The following KLHL29 variants were observed in gnomAD, a reference collection of about 807,000 sequenced individuals.
KLHL29 encodes kelch like family member 29, also known as kelch-like protein 29.
A neutral mutation model predicts 80.4 loss-of-function variants in KLHL29; 21 were observed. The observed-to-expected ratio is 0.26, with a 90% CI of 0.19 to 0.38. KLHL29 has a LOEUF of 0.38. Among genes scored for constraint, KLHL29 ranks in the 10% least tolerant of loss-of-function variants. The probability of loss-of-function intolerance (pLI) is 1.00; values close to 1 mark genes in which losing one functional copy is unlikely to be tolerated. For missense variants in KLHL29, 867 were observed against 1,223.9 expected (o/e 0.71, Z 4.35); for synonymous variants, 511 against 526.8 (o/e 0.97, Z 0.41).
intron 1 of KLHL29, among the ~76,000 whole-genome samples, chr2:23,455,294 C>A (rs1337967012): frequency 6.6e-6 from 1 of 152,070 alleles, no homozygotes; most frequent in Non-Finnish European, 1.5e-5. Context: ...TTTATAAATA[C>A]CGTGTATTAT....
chr2:23,566,297 G>A (rs1209517080), intron 3 of KLHL29, among the ~76,000 whole-genome samples: 1 of 152,212 alleles, frequency 6.6e-6, no homozygotes, highest in Non-Finnish European at 1.5e-5. Context: ...AGTTCCAAGA[G>A]CCTAACAGGA....
chr2:23,627,908 GTC>G (rs1201893775), intron 3 of KLHL29, among the ~76,000 whole-genome samples: 1 of 37,298 alleles, frequency 2.7e-5, no homozygotes, highest in Non-Finnish European at 4.4e-5. Context: ...GAGGCCAGGA[GTC>G]TTTTTTTTTT....
chr2:23,630,629 C>T (rs988457862), intron 3 of KLHL29, among the ~76,000 whole-genome samples: 4 of 152,012 alleles, frequency 2.6e-5, no homozygotes, highest in Non-Finnish European at 5.9e-5. Context: ...GGACTACAGG[C>T]ACACACCACC....
At chr2:23,537,240 G>A (rs1039996143) in intron 2 of KLHL29, among the ~76,000 whole-genome samples, 5 of 152,122 alleles carry the variant, frequency 3.3e-5, no homozygotes, top group African/African-American at 9.7e-5. Flanking sequence ...CAGTGCTGCC[G>A]CTTCTGTGCC....
chr2:23,536,892 A>ACT (rs1666679618), intron 2 of KLHL29, among the ~76,000 whole-genome samples: 1 of 41,726 alleles, frequency 2.4e-5, no homozygotes. Flanking sequence ...GACAGATCTC[A>ACT]CACACACACA....
Position 23,562,321 on chromosome 2 carries a change from G to A in KLHL29, c.125G>A (p.Gly42Asp). The change falls in exon 3 of 14, where the codon GGC becomes GAC. Residue 42 changes from glycine to aspartate, a missense_variant. Gly to Asp is a moderately conservative substitution (Grantham distance 94). Transcript: ENST00000486442. This position sits in a 1 kb window ranked among gnomAD's most constrained non-coding sequence, Gnocchi z 4.5. ...ICSVTSGAGG[G>D]TASSLSVRPG... The stretch of plus-strand genomic sequence containing the variant: ...AGTGTCACCTCGGGGGCCGGTGGCG[G>A]CACAGCCAGCAGCCTCAGCGTCCGG... The A allele has an allele frequency of 6.5e-7, 1 of 1,544,630 alleles. No individual in the cohort carries two copies. Among genetic ancestry groups the A allele is most frequent in the Non-Finnish European group, 8.7e-7 (1 of 1,143,974 alleles).
chr2:23,697,137 G>C (rs180694790), intron 11 of KLHL29: 5 of 152,516 alleles, frequency 3.3e-5, no homozygotes, highest in African/African-American at 1.2e-4. Context: ...AAAGGACCAC[G>C]TGTGAACCTG....
intron 1 of KLHL29, among the ~76,000 whole-genome samples, chr2:23,439,875 T>G (rs1193234149): frequency 6.6e-6 from 1 of 152,102 alleles, no homozygotes; most frequent in Admixed American, 6.5e-5. Context: ...TTGTTAACTT[T>G]CTGTCTCATT....
chr2:23,481,658 G>A (rs890766041), intron 2 of KLHL29, among the ~76,000 whole-genome samples: 4 of 152,176 alleles, frequency 2.6e-5, no homozygotes, highest in Non-Finnish European at 4.4e-5. Context: ...GCTGACGCCT[G>A]TAATCCCAGC....
intron 1 of KLHL29, among the ~76,000 whole-genome samples, chr2:23,402,371 GA>G (rs1666616277): frequency 1.3e-5 from 2 of 152,228 alleles, no homozygotes; most frequent in Non-Finnish European, 2.9e-5. Context: ...ATCTGAGCCA[GA>G]AAAGATAAAC....
rs900945719 is a variant in KLHL29 at position 23,457,565 on chromosome 2, T to C, written c.-153-17995T>C. Among the ~76,000 whole-genome samples the C allele has an allele frequency of 1.1e-4, 16 of 152,298 alleles. No individual in the cohort carries two copies. The highest frequency in any genetic ancestry group is 2.9e-4 in the African/African-American group (12 of 41,560). ...GGGGTGCCTCTGGAATTCCCTGTTC[T>C]GCTTTTAGGAGTGTCACAAGGATTG... On this transcript the variant is annotated intron_variant, in intron 1 of 13. Transcript: ENST00000486442. This position sits in a 1 kb window ranked among gnomAD's most constrained non-coding sequence, Gnocchi z 4.3.
chr2:23,686,825 A>G (rs997613839), intron 6 of KLHL29, among the ~76,000 whole-genome samples: 2 of 152,172 alleles, frequency 1.3e-5, no homozygotes, highest in African/African-American at 4.8e-5. Flanking sequence ...GTAAGGTCAC[A>G]CAGGAAAAAG....
intron 2 of KLHL29, among the ~76,000 whole-genome samples, chr2:23,561,916 C>A (rs552292717): frequency 4.4e-4 from 67 of 152,264 alleles, no homozygotes; most frequent in Admixed American, 3.4e-3. Flanking sequence ...TTAACTGTGA[C>A]TGGGTTCAAA....
chr2:23,661,611 C>A (rs1670410753), intron 5 of KLHL29, among the ~76,000 whole-genome samples: 1 of 152,246 alleles, frequency 6.6e-6, no homozygotes, highest in Non-Finnish European at 1.5e-5. Flanking sequence ...GGTCAGTTAT[C>A]TGGAAGGACA....
intron 2 of KLHL29, among the ~76,000 whole-genome samples, chr2:23,510,905 C>T (rs188255386): frequency 1.2e-4 from 19 of 152,286 alleles, no homozygotes; most frequent in African/African-American, 3.6e-4. Flanking sequence ...GTGAAGAATT[C>T]CAGGCAGTCA....
intron 13 of KLHL29, 35 bp downstream of exon 13, chr2:23,703,898 C>T (rs999733413): frequency 7.2e-6 from 11 of 1,521,526 alleles, no homozygotes; most frequent in South Asian, 2.4e-5. Context: ...AGGGCTGGGA[C>T]GGAGGAGTGG....
At chr2:23,436,283 TGTG>T (rs1663340315) in intron 1 of KLHL29, among the ~76,000 whole-genome samples, 1 of 17,416 alleles carries the variant, frequency 5.7e-5, no homozygotes, top group Admixed American at 6.5e-4. Context: ...ATCAGCTTTG[TGTG>T]TGTGTGTGTG....
At chr2:23,455,480 A>G (rs1035674300) in intron 1 of KLHL29, among the ~76,000 whole-genome samples, 3 of 152,186 alleles carry the variant, frequency 2.0e-5, no homozygotes, top group African/African-American at 7.2e-5. Flanking sequence ...AAATCCAGTT[A>G]ATGTAAGATA....
chr2:23,465,644 T>C (rs1319181970), intron 1 of KLHL29, among the ~76,000 whole-genome samples: 1 of 152,198 alleles, frequency 6.6e-6, no homozygotes, highest in African/African-American at 2.4e-5. Flanking sequence ...TAGTGCTTCC[T>C]TGGATCAACT....
Sources: gnomAD v4.1 joint callset for allele counts (sites outside exome capture counted in the v4.1 genomes callset) on GRCh38, gnomAD v4.1.1 for gene constraint, Gnocchi (gnomAD v3.1) non-coding constraint, MANE v1.5 for transcripts, NCBI Gene and HGNC (gene_info 2026-07-23, HGNC 2026-07-21) for gene names.